Variants in RANBP1 observed in about 807,000 individuals in gnomAD.
RANBP1 encodes ran-specific GTPase-activating protein.
RANBP1 carries 16 observed loss-of-function variants against 31.4 expected under a neutral mutation model. The ratio of observed to expected loss-of-function variants is 0.51; its 90% CI spans 0.34 to 0.77. The LOEUF is 0.77. Ranked by LOEUF, RANBP1 falls within the 30% of genes least tolerant of loss-of-function variation. The pLI, the probability that RANBP1 is intolerant of heterozygous loss-of-function variation, is 0.01. For missense variants in RANBP1, 265 were observed against 362.0 expected, an observed-to-expected ratio of 0.73 and a Z score of 2.17; for synonymous variants, 129 against 140.5, an observed-to-expected ratio of 0.92 and a Z score of 0.58.
chr22:20,127,168 A>AT lies in RANBP1; in HGVS notation c.*116_*117insT, dbSNP rs2050319175. Reference sequence around the variant, plus strand: ...TTCATTTTTACAAGGGACGTTATATAAAGAACTGAACTCAACATTCAGGTT... The same window carrying AT: ...TTCATTTTTACAAGGGACGTTATATATAAGAACTGAACTCAACATTCAGGTT... On this transcript the variant is annotated 3_prime_UTR_variant, in exon 6 of 6. Transcript: ENST00000430524. The AT allele has an allele frequency of 1.2e-6, 1 of 837,324 alleles. No individual in the cohort carries two copies. The highest frequency in any genetic ancestry group is 3.0e-5 in the East Asian group (1 of 32,810). The allele number at this position is 837,324 out of a possible 1,614,324, so 51.9% of individuals were successfully genotyped here.
chr22:20,118,156 G>C, intron 1 of RANBP1: 1 of 1,001,500 alleles, frequency 1.0e-6, no homozygotes, highest in Non-Finnish European at 1.2e-6. Context: ...GACCCAGGCG[G>C]CGGCTTTGTT....
rs930941473 is a variant in RANBP1, at chr22:20,127,035, G to A, written c.820G>A (p.Ala274Thr). 14 of 1,611,526 alleles carry A rather than the reference G, an allele frequency of 8.7e-6. No individual in the cohort carries two copies. The African/African-American group carries it at 1.9e-4, about 22-fold the overall frequency. Residue 274 changes from alanine to threonine, a missense_variant, in exon 6 of 6, where the codon GCT becomes ACT. This residue lies in a region of RANBP1 where 49 missense variants were observed against 47.9 expected (regional missense o/e 1.02). Coordinates refer to ENST00000430524, the MANE Select transcript of RANBP1 (RefSeq NM_001278639.2). ...LSVKEETKED[A>T]EEKQ The stretch of plus-strand genomic sequence containing the variant: ...GGTGAAGGAGGAGACCAAGGAGGAT[G>A]CTGAGGAGAAGCAATAAATCGTCTT...
intron 3 of RANBP1, 32 bp downstream of exon 3, chr22:20,122,453 C>T: frequency 6.2e-7 from 1 of 1,611,384 alleles, no homozygotes; most frequent in Non-Finnish European, 8.5e-7. Context: ...CTCGACAGTC[C>T]CCAGCAGCTT....
At chr22:20,126,230 T>G (rs964547655) in intron 4 of RANBP1, 73 bp from the exon 5 acceptor site, 1 of 1,528,276 alleles carries the variant, frequency 6.5e-7, no homozygotes, top group African/African-American at 1.4e-5. Context: ...GAATCCTGAC[T>G]CTTCAGACCC....
chr22:20,121,305 A>G (rs935625303), intron 2 of RANBP1, among the ~76,000 whole-genome samples: 3 of 151,660 alleles, frequency 2.0e-5, no homozygotes, highest in East Asian at 1.9e-4. Flanking sequence ...GCTGGTGCGC[A>G]ATGGTGTGAT....
intron 2 of RANBP1, among the ~76,000 whole-genome samples, chr22:20,120,988 C>T (rs2050158218): frequency 6.6e-6 from 1 of 152,228 alleles, no homozygotes; most frequent in Admixed American, 6.5e-5. Context: ...GAGTCTTGCT[C>T]TGTTGCCCAG....
At chr22:20,118,439 CTG>C in intron 1 of RANBP1, 1 of 838,566 alleles carries the variant, frequency 1.2e-6, no homozygotes, top group South Asian at 5.5e-5. Flanking sequence ...GTTTTCTGAA[CTG>C]TGAAAAAATT....
At chr22:20,117,459 G>A in intron 1 of RANBP1, 4 of 1,196,354 alleles carry the variant, frequency 3.3e-6, no homozygotes, top group Non-Finnish European at 4.2e-6. Context: ...AGCTGTACTG[G>A]TTTTGAATCG....
chr22:20,116,822 G>GA, intron 1 of RANBP1: 2 of 1,408,398 alleles, frequency 1.4e-6, no homozygotes, highest in Admixed American at 2.0e-5. Flanking sequence ...CAGGTTTCCT[G>GA]ACCCACCCCG....
intron 2 of RANBP1, 55 bp from the exon 3 acceptor site, chr22:20,122,209 G>A: frequency 1.3e-6 from 2 of 1,583,972 alleles, no homozygotes; most frequent in East Asian, 2.3e-5. Flanking sequence ...CTCCTGCGCA[G>A]GCCCTGCATG....
intron 2 of RANBP1, among the ~76,000 whole-genome samples, chr22:20,121,705 C>T (rs150734384): frequency 2.0e-5 from 3 of 152,228 alleles, no homozygotes; most frequent in African/African-American, 4.8e-5. Context: ...CCATCATGTC[C>T]AGCTAATTTT....
chr22:20,119,265 C>T (rs549961436), intron 2 of RANBP1, 116 bp downstream of exon 2: 3 of 1,016,540 alleles, frequency 3.0e-6, no homozygotes, highest in South Asian at 1.6e-5. Flanking sequence ...AAGAAAGGGC[C>T]TAAAGTTGGT....
At chr22:20,117,588 C>T (rs2050065859) in intron 1 of RANBP1, 11 of 1,399,400 alleles carry the variant, frequency 7.9e-6, no homozygotes, top group African/African-American at 1.5e-5. Flanking sequence ...CGAGTAGCCG[C>T]CGAGAGGCCG....
intron 1 of RANBP1, chr22:20,117,703 G>T: frequency 1.1e-6 from 1 of 876,282 alleles, no homozygotes; most frequent in South Asian, 5.2e-5. Context: ...TGGGCGGGCG[G>T]GGCCGGGGCC....
In RANBP1 at chr22:20,122,351, CAAG is replaced by C; in HGVS notation, c.472_474del (p.Lys158del). ...CTGGTGACGTCAAGCTCCTGAAGCA[CAAG>C]GAGAAAGGGGCCATCCGCCTCCTCA... On this transcript the variant is annotated inframe_deletion, in exon 3 of 6. Coordinates refer to ENST00000430524, the MANE Select transcript of RANBP1 (RefSeq NM_001278639.2). The C allele has an allele frequency of 6.2e-7, 1 of 1,613,094 alleles. No homozygotes were observed. Among genetic ancestry groups the C allele is most frequent in the Non-Finnish European group, 8.5e-7 (1 of 1,179,968 alleles).
At chr22:20,119,638 C>T (rs1241847997) in intron 2 of RANBP1, 6 of 158,622 alleles carry the variant, frequency 3.8e-5, no homozygotes, top group East Asian at 1.9e-4. Context: ...CGCCATTCTC[C>T]TGCCTCAGCT....
intron 1 of RANBP1, chr22:20,117,424 G>A (rs1269279950): frequency 5.8e-6 from 7 of 1,203,152 alleles, no homozygotes; most frequent in Non-Finnish European, 7.2e-6. Context: ...CGGACAATGA[G>A]AGTGTCCGCC....
At chr22:20,116,521 A>T in intron 1 of RANBP1, 91 bp downstream of exon 1, 1 of 1,610,366 alleles carries the variant, frequency 6.2e-7, no homozygotes, top group Non-Finnish European at 8.5e-7. Context: ...CACCTCCTCC[A>T]GGGCTGCCGG....
At chr22:20,126,178 T>C in intron 4 of RANBP1, 125 bp from the exon 5 acceptor site, 1 of 1,150,070 alleles carries the variant, frequency 8.7e-7, no homozygotes, top group Non-Finnish European at 1.2e-6. Flanking sequence ...GGTGGACCAG[T>C]CCTTTCTTAG....
Sources: gnomAD v4.1 joint callset for allele counts (sites outside exome capture counted in the v4.1 genomes callset) on GRCh38, gnomAD v4.1.1 for gene constraint, gnomAD v4.1.1 regional missense constraint, MANE v1.5 for transcripts, NCBI Gene and HGNC (gene_info 2026-07-23, HGNC 2026-07-21) for gene names.